Variants in FTO observed in about 807,000 individuals in gnomAD.
The protein encoded by FTO is FTO alpha-ketoglutarate dependent dioxygenase.
Under a neutral mutation model 63.9 loss-of-function variants are expected in FTO, and 47 were observed. That is an observed-to-expected ratio of 0.74 (90% CI 0.58 to 0.94). The LOEUF (loss-of-function observed/expected upper bound fraction) is 0.94, where lower values mean the gene tolerates loss of function less well. FTO is among the 40% of genes least tolerant of loss of function. FTO has a pLI of 0.00. For synonymous variants in FTO, 207 were observed against 224.4 expected, an observed-to-expected ratio of 0.92 and a Z score of 0.69; for missense variants, 562 against 618.1, an observed-to-expected ratio of 0.91 and a Z score of 0.96.
At chr16:54,065,200 C>T (rs2144412296) in intron 8 of FTO, among the ~76,000 whole-genome samples, 1 of 149,974 alleles carries the variant, frequency 6.7e-6, no homozygotes, top group South Asian at 2.1e-4. Context: ...CTCCATCATC[C>T]AGTCTGGAGT....
At position 53,934,002 on chromosome 16, in the gene FTO, T is replaced by C. The variant is rs2082335044; in HGVS notation, c.1257T>C (p.His419=). Residue 419 remains histidine (H), a synonymous_variant, in exon 8 of 9, where the codon CAT becomes CAC. Coordinates refer to ENST00000471389, the MANE Select transcript of FTO (RefSeq NM_001080432.3). Reference sequence around the variant, plus strand: ...TCTTGTAGACAAATGCTGTGCTTCATGAAGTTAAAAGAGAGGGGCTCCCCG... The same window carrying C: ...TCTTGTAGACAAATGCTGTGCTTCACGAAGTTAAAAGAGAGGGGCTCCCCG... ...KMEGVTNAVL[H]EVKREGLPVE... is the part of the protein sequence containing the mutation. 15 of 1,614,018 alleles carry C rather than the reference T, an allele frequency of 9.3e-6. No homozygotes were observed. The highest frequency in any genetic ancestry group is 2.2e-5 in the South Asian group (2 of 91,084).
chr16:53,947,466 G>C (rs1267045813), intron 8 of FTO, among the ~76,000 whole-genome samples: 1 of 152,166 alleles, frequency 6.6e-6, no homozygotes, highest in African/African-American at 2.4e-5. Flanking sequence ...AGGAGAATAA[G>C]GGGGCGGAAG....
At chr16:54,038,499 A>G (rs778998373) in intron 8 of FTO, among the ~76,000 whole-genome samples, 2 of 152,148 alleles carry the variant, frequency 1.3e-5, no homozygotes, top group Non-Finnish European at 2.9e-5. Context: ...AGTGTCTCAG[A>G]TACCATCTGC....
At chr16:53,932,613 C>T (rs2082310306) in intron 7 of FTO, among the ~76,000 whole-genome samples, 1 of 152,060 alleles carries the variant, frequency 6.6e-6, no homozygotes, top group African/African-American at 2.4e-5. Flanking sequence ...TGATTTCGAA[C>T]TCCTGACCTC....
At chr16:53,723,192 C>T (rs765641617) in intron 1 of FTO, among the ~76,000 whole-genome samples, 6 of 152,100 alleles carry the variant, frequency 3.9e-5, no homozygotes, top group Non-Finnish European at 7.4e-5. Flanking sequence ...AACAGTGAAA[C>T]GAGGTATTGA....
chr16:54,008,931 G>A (rs1329734598), intron 8 of FTO, among the ~76,000 whole-genome samples: 1 of 151,860 alleles, frequency 6.6e-6, no homozygotes, highest in Non-Finnish European at 1.5e-5. Context: ...AGGTTTGTTT[G>A]GTCTCAGGAG....
chr16:53,892,571 T>G (rs934288289), intron 7 of FTO, among the ~76,000 whole-genome samples: 1 of 152,198 alleles, frequency 6.6e-6, no homozygotes, highest in Non-Finnish European at 1.5e-5. Context: ...GACAAATGAT[T>G]CTTTTTTATC....
rs555036424 is a variant in FTO at position 53,928,204 on chromosome 16, GA to G, written c.1240-5774del. Among the ~76,000 whole-genome samples the G allele has an allele frequency of 3.9e-5, 6 of 152,076 alleles. No homozygotes were observed. The East Asian group carries it at 9.7e-4, about 24-fold the overall frequency. On this transcript the variant is annotated intron_variant, in intron 7 of 8. Transcript: ENST00000471389. ...GCCTGCATTTCCATAGATTTCTATT[GA>G]AAAAAAGTACTAATAAAATGAAATT...
intron 6 of FTO, among the ~76,000 whole-genome samples, chr16:53,882,739 T>C (rs1196691121): frequency 6.6e-6 from 1 of 152,172 alleles, no homozygotes; most frequent in Non-Finnish European, 1.5e-5. Context: ...GGGGACCCAT[T>C]GAAGAGTTTT....
intron 8 of FTO, among the ~76,000 whole-genome samples, chr16:53,954,594 C>T (rs2143561682): frequency 6.6e-6 from 1 of 152,116 alleles, no homozygotes; most frequent in East Asian, 1.9e-4. Flanking sequence ...ACAGGGGATG[C>T]ATTCAGGAAG....
rs532324720 is a variant in FTO, at chr16:54,103,426, GA to G, written c.1365-8329del. Among the ~76,000 whole-genome samples, 10 of 152,172 alleles carry G rather than the reference GA, an allele frequency of 6.6e-5. No homozygotes were observed. The East Asian group carries it at 1.7e-3, about 26-fold the overall frequency. The stretch of plus-strand genomic sequence containing the variant: ...ACTAAAAAGGTGTATTGACCCGGGG[GA>G]AAAAAAGCTGACCCCTAGGGAGAAG... On this transcript the variant is annotated intron_variant, in intron 8 of 8. Transcript: ENST00000471389.
At chr16:53,996,606 GGGT>G (rs2083936797) in intron 8 of FTO, among the ~76,000 whole-genome samples, 1 of 152,098 alleles carries the variant, frequency 6.6e-6, no homozygotes, top group Non-Finnish European at 1.5e-5. Flanking sequence ...CTTTTGATAG[GGGT>G]ATTGTATTAG....
Position 53,934,121 on chromosome 16 carries a change from T to G in FTO, c.1364+12T>G. On this transcript the variant is annotated intron_variant, in intron 8 of 8. Transcript: ENST00000471389. ...GAATGGCATGCCAGGTTAGTTCTGT[T>G]GTGAAATGGGATTTGTTGTTCTTGA... 1.2e-6 allele frequency: 2 copies of G among 1,614,056 alleles called. No individual in the cohort carries two copies. The highest frequency in any genetic ancestry group is 1.7e-6 in the Non-Finnish European group (2 of 1,179,926).
At chr16:54,041,457 A>G (rs2085072701) in intron 8 of FTO, among the ~76,000 whole-genome samples, 2 of 152,182 alleles carry the variant, frequency 1.3e-5, no homozygotes, top group Admixed American at 6.5e-5. Flanking sequence ...ACCATATCAC[A>G]TGTTAAACTT....
chr16:53,850,035 A>G (rs2079743570), intron 4 of FTO, among the ~76,000 whole-genome samples: 2 of 152,236 alleles, frequency 1.3e-5, no homozygotes, highest in Admixed American at 6.5e-5. Context: ...TAAATTTAAA[A>G]TAATTATACT....
At chr16:54,035,698 G>A (rs1484618153) in intron 8 of FTO, among the ~76,000 whole-genome samples, 1 of 152,098 alleles carries the variant, frequency 6.6e-6, no homozygotes, top group African/African-American at 2.4e-5. Context: ...AGCCTCCTCC[G>A]CCACTTACGG....
chr16:53,715,801 GC>G (rs2075881605), intron 1 of FTO, among the ~76,000 whole-genome samples: 2 of 152,114 alleles, frequency 1.3e-5, no homozygotes, highest in African/African-American at 4.8e-5. Context: ...AGACTCAGGT[GC>G]CCTCTTGGCA....
chr16:53,823,135 T>C (rs1418723037), intron 2 of FTO, among the ~76,000 whole-genome samples: 1 of 152,210 alleles, frequency 6.6e-6, no homozygotes, highest in Admixed American at 6.5e-5. Flanking sequence ...CCCAGCACTC[T>C]ACTGAGATTG....
At chr16:53,775,117 A>G (rs907964376) in intron 1 of FTO, among the ~76,000 whole-genome samples, 8 of 152,164 alleles carry the variant, frequency 5.3e-5, no homozygotes, top group African/African-American at 1.9e-4. Flanking sequence ...CACCATAGGA[A>G]GGCACAATAA....
Sources: gnomAD v4.1 joint callset for allele counts (sites outside exome capture counted in the v4.1 genomes callset) on GRCh38, gnomAD v4.1.1 for gene constraint, MANE v1.5 for transcripts, NCBI Gene and HGNC (gene_info 2026-07-23, HGNC 2026-07-21) for gene names.